SCPEP1: variants seen among roughly 807,000 people sequenced by gnomAD.
SCPEP1 encodes the protein retinoid-inducible serine carboxypeptidase.
A neutral mutation model predicts 63.8 loss-of-function variants in SCPEP1; 51 were observed. That is an observed-to-expected ratio of 0.80 (90% CI 0.64 to 1.01). The LOEUF is 1.01. Ranked by LOEUF, SCPEP1 falls within the 50% of genes least tolerant of loss-of-function variation. The pLI, the probability that SCPEP1 is intolerant of heterozygous loss-of-function variation, is 0.00. For synonymous variants in SCPEP1, 204 were observed against 207.8 expected, an observed-to-expected ratio of 0.98 and a Z score of 0.16; for missense variants, 499 against 554.9, an observed-to-expected ratio of 0.90 and a Z score of 1.01.
Position 56,999,126 on chromosome 17 carries a change from A to G in SCPEP1, c.994+628A>G, listed in dbSNP as rs1021998194. On this transcript the variant is annotated intron_variant, in intron 10 of 12. Transcript: ENST00000262288. ...CCTTTCTATCCATTTGAAATTTTCC[A>G]TAATAAAAAATTAAGATAAAAAAGC... Among the ~76,000 whole-genome samples the G allele has an allele frequency of 1.5e-4, 23 of 152,178 alleles. 1 individual carries two copies. The highest frequency in any genetic ancestry group is 5.5e-4 in the African/African-American group (23 of 41,444).
At chr17:57,003,964 G>T (rs1911813390) in intron 12 of SCPEP1, among the ~76,000 whole-genome samples, 1 of 152,094 alleles carries the variant, frequency 6.6e-6, no homozygotes, top group African/African-American at 2.4e-5. Flanking sequence ...TTTGGGAGGC[G>T]AAGGCAGGTG....
At position 56,995,835 on chromosome 17, in the gene SCPEP1, T is replaced by C. The variant is rs575954209; in HGVS notation, c.786+200T>C. 1.7e-4 allele frequency: 61 copies of C among 353,270 alleles called. 1 individual carries two copies. Among genetic ancestry groups the C allele is most frequent in the African/African-American group, 1.3e-3 (59 of 46,392 alleles). The allele number at this position is 353,270 out of a possible 1,614,324, so 21.9% of individuals were successfully genotyped here. ...ACAGAGTCAGAAAGCCACCCAGGCC[T>C]GCAAGACTTGCTTGTCCTTCACTAA... is the stretch of plus-strand genomic sequence containing the variant. On this transcript the variant is annotated intron_variant, in intron 8 of 12. Coordinates refer to ENST00000262288, the MANE Select transcript of SCPEP1 (RefSeq NM_021626.3).
chr17:56,995,738 C>G (rs2144498025), intron 8 of SCPEP1, 103 bp downstream of exon 8: 1 of 1,214,240 alleles, frequency 8.2e-7, no homozygotes, highest in Non-Finnish European at 1.1e-6. Context: ...CTGAGGCTCC[C>G]CACATATCTG....
rs76713292 is a variant in SCPEP1, at chr17:57,006,162, T to C, written c.1297-11T>C. ...ACCAGGAGCACTAACTCAGATGTTG[T>C]TTTTTTCTAGGTTCCTTCTGACCAA... On this transcript the variant is annotated splice_polypyrimidine_tract_variant and intron_variant, in intron 12 of 12. Transcript: ENST00000262288. 3.1e-6 allele frequency: 5 copies of C among 1,606,508 alleles called. No individual in the cohort carries two copies. Among genetic ancestry groups the C allele is most frequent in the Non-Finnish European group, 3.4e-6 (4 of 1,176,354 alleles).
intron 8 of SCPEP1, 140 bp from the exon 9 acceptor site, chr17:56,996,822 G>C (rs1227243629): frequency 1.9e-6 from 1 of 534,506 alleles, no homozygotes; most frequent in Non-Finnish European, 3.3e-6. Flanking sequence ...CCCAGCCAAA[G>C]CTCTATTTCT....
intron 11 of SCPEP1, 45 bp from the exon 12 acceptor site, chr17:57,001,973 A>G: frequency 6.3e-7 from 1 of 1,584,904 alleles, no homozygotes; most frequent in East Asian, 2.2e-5. Flanking sequence ...TTCCTATTCT[A>G]TCCAGCTGTT....
intron 2 of SCPEP1, among the ~76,000 whole-genome samples, chr17:56,982,390 G>T (rs771264042): frequency 6.6e-6 from 1 of 152,224 alleles, no homozygotes; most frequent in Non-Finnish European, 1.5e-5. Flanking sequence ...GAGCGAAAAT[G>T]AGCAGTTTTC....
In SCPEP1 at chr17:57,006,286, G is replaced by A; in HGVS notation, c.*51G>A. The A allele has an allele frequency of 7.1e-7, 1 of 1,405,402 alleles. No individual in the cohort carries two copies. The highest frequency in any genetic ancestry group is 2.1e-5 in the Admixed American group (1 of 48,302). The allele number at this position is 1,405,402 out of a possible 1,614,324, so 87.1% of individuals were successfully genotyped here. On this transcript the variant is annotated 3_prime_UTR_variant, in exon 13 of 13. Coordinates refer to ENST00000262288, the MANE Select transcript of SCPEP1 (RefSeq NM_021626.3). ...GTTTGGCCTTGGGGCACAGAGCTGA[G>A]CTGAGGCCGCTGAAGCTGTAGGAAG...
At chr17:56,987,597 A>T in intron 3 of SCPEP1, 98 bp from the exon 4 acceptor site, 1 of 1,194,720 alleles carries the variant, frequency 8.4e-7, no homozygotes, top group Non-Finnish European at 1.2e-6. Flanking sequence ...TGGTATCCTC[A>T]CATGTGTGGG....
At chr17:56,987,560 T>A in intron 3 of SCPEP1, 135 bp from the exon 4 acceptor site, 2 of 763,362 alleles carry the variant, frequency 2.6e-6, no homozygotes, top group Non-Finnish European at 3.9e-6. Flanking sequence ...AAAATCTCTT[T>A]TAGCAACAGG....
At chr17:56,994,339 A>C (rs1911483023) in intron 6 of SCPEP1, among the ~76,000 whole-genome samples, 1 of 152,194 alleles carries the variant, frequency 6.6e-6, no homozygotes, top group South Asian at 2.1e-4. Context: ...TACAGTATTT[A>C]ATAGTTGTGA....
In SCPEP1 at chr17:56,995,607, G is replaced by T; in HGVS notation, c.758G>T (p.Trp253Leu). 1 of 1,613,918 alleles carries T rather than the reference G, an allele frequency of 6.2e-7. No homozygotes were observed. The highest frequency in any genetic ancestry group is 8.5e-7 in the Non-Finnish European group (1 of 1,179,976). Residue 253 changes from tryptophan (W) to leucine (L), a missense_variant, in exon 8 of 13, where the codon TGG (tryptophan) becomes TTG (leucine). Transcript: ENST00000262288. ...CTCTACAGAGAGGCCACAGAGCTGT[G>T]GGGGAAAGCAGAAATGATCATTGAA... ...KGLYREATEL[W>L]GKAEMIIEQN...
chr17:56,978,258 C>A (rs1362907297), intron 1 of SCPEP1, 23 bp downstream of exon 1: 2 of 1,520,004 alleles, frequency 1.3e-6, no homozygotes, highest in Non-Finnish European at 1.8e-6. Flanking sequence ...AAGAGGCGCA[C>A]CAGCTGCCAT....
At chr17:56,980,049 T>C (rs1286111317) in intron 1 of SCPEP1, among the ~76,000 whole-genome samples, 1 of 152,220 alleles carries the variant, frequency 6.6e-6, no homozygotes, top group Non-Finnish European at 1.5e-5. Flanking sequence ...TTACTGTATA[T>C]TGAATATTCT....
chr17:56,985,578 T>C lies in SCPEP1; in HGVS notation c.315+111T>C, dbSNP rs920658831. ...CAATCCCTCGCTGTCCTTTTCCTTT[T>C]CCTGTGACTACTGAGGCCATGGGCA... On this transcript the variant is annotated intron_variant, in intron 3 of 12. Transcript: ENST00000262288. 9 of 798,304 alleles carry C rather than the reference T, an allele frequency of 1.1e-5. No homozygotes were observed. The African/African-American group carries it at 1.4e-4, about 12-fold the overall frequency. 49.5% of individuals were successfully genotyped at this position (798,304 alleles called of 1,614,324 possible).
chr17:56,991,283 CT>C, intron 6 of SCPEP1, 112 bp downstream of exon 6: 1 of 862,414 alleles, frequency 1.2e-6, no homozygotes. Context: ...GTTCTGGGCC[CT>C]TAGAGAAAGT....
chr17:56,997,084 C>A, intron 9 of SCPEP1, 29 bp downstream of exon 9: 1 of 1,341,882 alleles, frequency 7.5e-7, no homozygotes, highest in Non-Finnish European at 1.0e-6. Context: ...TATTAAAGTC[C>A]CTGCCTCAGC....
intron 12 of SCPEP1, 32 bp from the exon 13 acceptor site, chr17:57,006,141 G>C (rs757777114): frequency 6.3e-7 from 1 of 1,581,328 alleles, no homozygotes; most frequent in Non-Finnish European, 8.6e-7. Context: ...AATAGCACCA[G>C]GAGCACTAAC....
chr17:57,000,296 C>T (rs1237352691), intron 10 of SCPEP1, among the ~76,000 whole-genome samples: 9 of 152,150 alleles, frequency 5.9e-5, no homozygotes, highest in Admixed American at 5.2e-4. Flanking sequence ...ACTCTTATTG[C>T]TGTCATTCAG....
Sources: gnomAD v4.1 joint callset for allele counts (sites outside exome capture counted in the v4.1 genomes callset) on GRCh38, gnomAD v4.1.1 for gene constraint, MANE v1.5 for transcripts, NCBI Gene and HGNC (gene_info 2026-07-23, HGNC 2026-07-21) for gene names.